ABL1: variants seen among roughly 807,000 people sequenced by gnomAD.
ABL1 encodes ABL proto-oncogene 1, non-receptor tyrosine kinase.
ABL1 carries 11 observed loss-of-function variants against 94.7 expected under a neutral mutation model. That is an observed-to-expected ratio of 0.12 (90% CI 0.07 to 0.19). The LOEUF is 0.19. ABL1 is among the 10% of genes least tolerant of loss of function. The pLI is 1.00. For synonymous variants in ABL1, 656 were observed against 622.4 expected (o/e 1.05, Z -0.80); for missense variants, 1,082 against 1,489.4 (o/e 0.73, Z 4.50).
chr9:130,831,150 C>G (rs1986209), upstream of ABL1, among the ~76,000 whole-genome samples: 1 of 152,134 alleles, frequency 6.6e-6, no homozygotes, highest in Non-Finnish European at 1.5e-5. Context: ...GTGCACATAC[C>G]TCAAGATCTT....
chr9:130,828,475 G>C (rs1466874775), intron 1 of ABL1, among the ~76,000 whole-genome samples: 1 of 152,198 alleles, frequency 6.6e-6, no homozygotes, highest in East Asian at 1.9e-4. Flanking sequence ...AGTAATTGGG[G>C]CTTTTGCCAT....
intron 1 of ABL1, among the ~76,000 whole-genome samples, chr9:130,761,942 A>T (rs1003149236): frequency 2.0e-5 from 3 of 152,274 alleles, no homozygotes. Flanking sequence ...CGGGAGTTAG[A>T]GACCAGCCTG....
chr9:130,757,940 C>T (rs1832061798), intron 1 of ABL1, among the ~76,000 whole-genome samples: 1 of 152,174 alleles, frequency 6.6e-6, no homozygotes, highest in South Asian at 2.1e-4. Flanking sequence ...AGTGAGGAAG[C>T]AATGGCCCCT....
intron 1 of ABL1, among the ~76,000 whole-genome samples, chr9:130,813,579 A>AG (rs1193378236): frequency 1.1e-4 from 17 of 151,276 alleles, no homozygotes; most frequent in African/African-American, 4.1e-4. Context: ...AAAAAAAAAA[A>AG]AAAAAAGAAA....
At chr9:130,803,196 C>T (rs1418521222) in intron 1 of ABL1, among the ~76,000 whole-genome samples, 2 of 152,126 alleles carry the variant, frequency 1.3e-5, no homozygotes, top group East Asian at 1.9e-4. Flanking sequence ...CGCACCACCA[C>T]GCCCGGCTAA....
At chr9:130,737,100 G>A (rs749488617) in intron 1 of ABL1, among the ~76,000 whole-genome samples, 8 of 151,998 alleles carry the variant, frequency 5.3e-5, no homozygotes, top group Middle Eastern at 3.4e-3. Flanking sequence ...CAGTTTTTTT[G>A]TTTTGTTTTA....
chr9:130,746,225 T>C (rs1831886342), intron 1 of ABL1, among the ~76,000 whole-genome samples: 1 of 147,558 alleles, frequency 6.8e-6, no homozygotes, highest in Non-Finnish European at 1.5e-5. Flanking sequence ...TTAATGCGTT[T>C]TTTTTTTTTT....
At chr9:130,813,757 A>G (rs1383409189) in intron 1 of ABL1, among the ~76,000 whole-genome samples, 8 of 152,188 alleles carry the variant, frequency 5.3e-5, no homozygotes, top group Non-Finnish European at 1.2e-4. Context: ...TGAAAGTGCC[A>G]CATAAAATTT....
chr9:130,859,783 C>T (rs1182811648), intron 3 of ABL1, among the ~76,000 whole-genome samples: 5 of 142,856 alleles, frequency 3.5e-5, no homozygotes, highest in Non-Finnish European at 4.5e-5. Flanking sequence ...CAGGTTCGAG[C>T]GATTCTCCTG....
intron 1 of ABL1, among the ~76,000 whole-genome samples, chr9:130,842,248 C>T (rs1013754142): frequency 6.6e-6 from 1 of 152,182 alleles, no homozygotes; most frequent in African/African-American, 2.4e-5. Flanking sequence ...TTTCCATTTC[C>T]TGCCCTCAAA....
chr9:130,785,353 G>T (rs1829812543), intron 1 of ABL1, among the ~76,000 whole-genome samples: 1 of 152,124 alleles, frequency 6.6e-6, no homozygotes, highest in Non-Finnish European at 1.5e-5. Flanking sequence ...TCCACCACGT[G>T]GTGGGCTGCT....
chr9:130,786,098 A>G (rs1829822071), intron 1 of ABL1, among the ~76,000 whole-genome samples: 1 of 152,184 alleles, frequency 6.6e-6, no homozygotes, highest in Admixed American at 6.5e-5. Context: ...CACATGGGGA[A>G]GCACCATCCA....
In ABL1 at chr9:130,846,766, G is replaced by A. The variant is rs372359368; in HGVS notation, c.80-7298G>A. On this transcript the variant is annotated intron_variant, in intron 1 of 10. Transcript: ENST00000318560. ...TTCCCTTCCCTGACTGTTCGCCAGC[G>A]TCTGGCACAGCACCAGCAGCCCCTG... is the stretch of plus-strand genomic sequence containing the variant. 9.8e-5 allele frequency among the ~76,000 whole-genome samples: 15 copies of A among 152,318 alleles called. No homozygotes were observed. The East Asian group carries it at 1.9e-3, about 20-fold the overall frequency.
Position 130,798,966 on chromosome 9 carries a change from CAAAA to C in ABL1, c.137-55083_137-55080del, listed in dbSNP as rs71389357. Among the ~76,000 whole-genome samples the C allele has an allele frequency of 8.4e-3, 560 of 66,818 alleles. 9 individuals are homozygous for C. Among genetic ancestry groups the C allele is most frequent in the African/African-American group, 0.029 (542 of 18,380 alleles). The allele number at this position is 66,818 out of a possible 152,430, so 43.8% of individuals were successfully genotyped here. On this transcript the variant is annotated intron_variant, in intron 1 of 10. Coordinates refer to the ABL1 transcript ENST00000372348. ...AGCCTGGGTGGCAGAGACTCCGTCT[CAAAA>C]AAAAAAAAAAAAAAGAATTGGAAGG...
At chr9:130,849,651 T>C (rs969096746) in intron 1 of ABL1, among the ~76,000 whole-genome samples, 6 of 152,204 alleles carry the variant, frequency 3.9e-5, no homozygotes, top group East Asian at 1.9e-4. Flanking sequence ...CTTAGCAGCT[T>C]GGATTACAGG....
At chr9:130,773,715 C>G (rs982409231) in intron 1 of ABL1, among the ~76,000 whole-genome samples, 5 of 148,968 alleles carry the variant, frequency 3.4e-5, no homozygotes. Flanking sequence ...CTCATGGGCT[C>G]AAGTGTCCTT....
In ABL1 at chr9:130,873,046, C is replaced by T; in HGVS notation, c.1085+9C>T. ...AAAAACTTCATCCACAGGTAGGGGC[C>T]TGGCCAGGCAGCCTGCGCCATGGAG... On this transcript the variant is annotated intron_variant, in intron 6 of 10. Coordinates refer to ENST00000318560, the MANE Select transcript of ABL1 (RefSeq NM_005157.6). The T allele has an allele frequency of 1.2e-6, 2 of 1,611,004 alleles. No individual in the cohort carries two copies. The highest frequency in any genetic ancestry group is 1.7e-6 in the Non-Finnish European group (2 of 1,178,190).
chr9:130,792,251 C>A (rs2132809578), intron 1 of ABL1, among the ~76,000 whole-genome samples: 1 of 152,288 alleles, frequency 6.6e-6, no homozygotes, highest in South Asian at 2.1e-4. Context: ...CTTTAAGCTT[C>A]CCACTGCTAA....
chr9:130,857,830 G>C (rs1323418572), intron 3 of ABL1, among the ~76,000 whole-genome samples: 1 of 152,114 alleles, frequency 6.6e-6, no homozygotes, highest in African/African-American at 2.4e-5. Flanking sequence ...AAAAGAGCCT[G>C]TTATCCCTGT....
Sources: gnomAD v4.1 joint callset for allele counts (sites outside exome capture counted in the v4.1 genomes callset) on GRCh38, gnomAD v4.1.1 for gene constraint, MANE v1.5 for transcripts, NCBI Gene and HGNC (gene_info 2026-07-23, HGNC 2026-07-21) for gene names.